The following TSPEAR variants were observed in gnomAD, a reference collection of about 807,000 sequenced individuals.
TSPEAR encodes the protein thrombospondin type laminin G domain and EAR repeats, also known as thrombospondin-type laminin G domain and EAR repeat-containing protein.
A neutral mutation model predicts 71.6 loss-of-function variants in TSPEAR; 69 were observed. That is an observed-to-expected ratio of 0.96 (90% CI 0.79 to 1.18). TSPEAR has a LOEUF of 1.18. TSPEAR is among the 50% of genes most tolerant of loss of function. TSPEAR has a pLI of 0.00. For missense variants in TSPEAR, 971 were observed against 894.9 expected (o/e 1.09, Z -1.09); for synonymous variants, 402 against 387.2 (o/e 1.04, Z -0.45).
At chr21:44,576,797 G>A (rs1034233876) in intron 1 of TSPEAR, among the ~76,000 whole-genome samples, 2 of 152,136 alleles carry the variant, frequency 1.3e-5, no homozygotes, top group Admixed American at 6.5e-5. Flanking sequence ...GCCGACTTAA[G>A]GGATATTTAT....
intron 2 of TSPEAR, among the ~76,000 whole-genome samples, chr21:44,553,841 TC>T (rs1264380078): frequency 6.6e-6 from 1 of 152,188 alleles, no homozygotes; most frequent in African/African-American, 2.4e-5. Context: ...CAGACCCCTG[TC>T]CCACTAACCA....
At chr21:44,562,802 A>C (rs2053656321) in intron 2 of TSPEAR, among the ~76,000 whole-genome samples, 1 of 152,214 alleles carries the variant, frequency 6.6e-6, no homozygotes. Context: ...AAATAAAGGC[A>C]TTCCCAGATA....
intron 2 of TSPEAR, among the ~76,000 whole-genome samples, chr21:44,542,135 AC>A (rs1375247347): frequency 6.6e-6 from 1 of 152,250 alleles, no homozygotes; most frequent in East Asian, 1.9e-4. Flanking sequence ...ATGGAATCAA[AC>A]AAAAATTCTG....
At position 44,551,228 on chromosome 21, in the gene TSPEAR, G is replaced by C. The variant is rs1175907187; in HGVS notation, c.303+16557C>G. The C allele has an allele frequency of 4.3e-6, 7 of 1,613,908 alleles. No individual in the cohort carries two copies. The African/African-American group carries it at 5.3e-5, about 12-fold the overall frequency. ...GGCAGCTAGACTGCTGGCAGCACGA[G>C]GGCGTGCAGGAGCTGGTGCAGCCTG... is the stretch of plus-strand genomic sequence containing the variant. On this transcript the variant is annotated intron_variant, in intron 2 of 11. Transcript: ENST00000323084.
chr21:44,671,605 A>G (rs1212614369), intron 1 of TSPEAR, among the ~76,000 whole-genome samples: 1 of 152,220 alleles, frequency 6.6e-6, no homozygotes, highest in African/African-American at 2.4e-5. Flanking sequence ...TTCACAGCCA[A>G]AGAAATCATA....
intron 1 of TSPEAR, chr21:44,580,640 TGAGTGAAGGAGG>T (rs1978907375): frequency 1.3e-6 from 2 of 1,521,642 alleles, no homozygotes; most frequent in Admixed American, 1.8e-5. Flanking sequence ...AGTGTGTGAG[TGAGTGAAGGAGG>T]GAGTGAGTGA....
intron 1 of TSPEAR, among the ~76,000 whole-genome samples, chr21:44,617,267 G>A (rs1393323545): frequency 1.3e-5 from 2 of 152,264 alleles, no homozygotes; most frequent in African/African-American, 2.4e-5. Flanking sequence ...CGCTCAGGGA[G>A]TTCTACTCAG....
intron 1 of TSPEAR, among the ~76,000 whole-genome samples, chr21:44,617,799 A>G (rs1982202651): frequency 6.6e-6 from 1 of 152,252 alleles, no homozygotes; most frequent in Non-Finnish European, 1.5e-5. Flanking sequence ...ATGGCACTGA[A>G]TGTCTCTCTA....
intron 1 of TSPEAR, among the ~76,000 whole-genome samples, chr21:44,685,084 C>T (rs1216983258): frequency 6.6e-6 from 1 of 152,086 alleles, no homozygotes; most frequent in Admixed American, 6.5e-5. Flanking sequence ...AGCTCTGAGA[C>T]CCCACTTGGT....
chr21:44,600,739 A>AGCT (rs1183697381), intron 1 of TSPEAR: 2 of 1,610,796 alleles, frequency 1.2e-6, no homozygotes, highest in African/African-American at 2.7e-5. Context: ...CTGCCCAGAG[A>AGCT]GCTGCTGCGA....
chr21:44,599,015 T>C (rs1345483298), intron 1 of TSPEAR, among the ~76,000 whole-genome samples: 1 of 152,206 alleles, frequency 6.6e-6, no homozygotes, highest in Non-Finnish European at 1.5e-5. Flanking sequence ...ACAGCTCTTT[T>C]AGGAGAGCTT....
chr21:44,650,176 A>T (rs1214918048), intron 1 of TSPEAR, among the ~76,000 whole-genome samples: 1 of 151,562 alleles, frequency 6.6e-6, no homozygotes, highest in African/African-American at 2.4e-5. Context: ...TGATCGCGCC[A>T]CTGCACTCCA....
rs374677471 is a variant in TSPEAR, at chr21:44,504,901, G to A, written c.1755-20C>T. 18 of 1,583,414 alleles carry A rather than the reference G, an allele frequency of 1.1e-5. No homozygotes were observed. The highest frequency in any genetic ancestry group is 1.6e-5 in the Non-Finnish European group (18 of 1,152,944). On this transcript the variant is annotated intron_variant, in intron 10 of 11. Coordinates refer to ENST00000323084, the MANE Select transcript of TSPEAR (RefSeq NM_144991.3). The stretch of plus-strand genomic sequence containing the variant: ...AGAGCACTGCAGGAACAAGTGGGTG[G>A]ATATTAGGACACAACAGACATCGCC...
At chr21:44,676,538 A>G (rs1013702780) in intron 1 of TSPEAR, 53 of 747,366 alleles carry the variant, frequency 7.1e-5, no homozygotes, top group Non-Finnish European at 1.3e-4. Context: ...TCCAGAGTAA[A>G]GTTGTGAACT....
rs1979356853 is a variant in TSPEAR, at chr21:44,586,635, C to T, written c.83-18630G>A. On this transcript the variant is annotated intron_variant, in intron 1 of 11. Coordinates refer to ENST00000323084, the MANE Select transcript of TSPEAR (RefSeq NM_144991.3). ...AGCACCACTCCCCATGTGCCCCTCC[C>T]CCAGCCTCAGGCACCTACTCATCTA... 3.3e-5 allele frequency among the ~76,000 whole-genome samples: 5 copies of T among 152,136 alleles called. No homozygotes were observed. The South Asian group carries it at 1.0e-3, about 32-fold the overall frequency.
At chr21:44,568,842 T>TG (rs1462790498) in intron 1 of TSPEAR, among the ~76,000 whole-genome samples, 4 of 152,176 alleles carry the variant, frequency 2.6e-5, no homozygotes, top group African/African-American at 7.2e-5. Flanking sequence ...GCAGTCTTGC[T>TG]GAGGGGCCTC....
At chr21:44,685,046 G>A (rs1986794645) in intron 1 of TSPEAR, among the ~76,000 whole-genome samples, 1 of 152,070 alleles carries the variant, frequency 6.6e-6, no homozygotes, top group East Asian at 1.9e-4. Flanking sequence ...ATCGGCTCTG[G>A]GTCCATAGAC....
In TSPEAR at chr21:44,658,115, G is replaced by A. The variant is rs200134575; in HGVS notation, c.82+53318C>T. ...CGTGAGCTGCACGCGCATTGTGTGC[G>A]TGGCTCCCTCCTGCCAGCCCTCCGT... On this transcript the variant is annotated intron_variant, in intron 1 of 11. Transcript: ENST00000323084. The A allele has an allele frequency of 6.5e-5, 105 of 1,613,502 alleles. No homozygotes were observed. In the African/African-American group the frequency reaches 8.8e-4, roughly 14 times the overall value.
intron 1 of TSPEAR, among the ~76,000 whole-genome samples, chr21:44,589,834 G>C (rs1390407180): frequency 2.6e-5 from 4 of 152,248 alleles, no homozygotes; most frequent in Non-Finnish European, 5.9e-5. Flanking sequence ...GAGGTGGGTG[G>C]GGCTCAGACA....
Sources: gnomAD v4.1 joint callset for allele counts (sites outside exome capture counted in the v4.1 genomes callset) on GRCh38, gnomAD v4.1.1 for gene constraint, MANE v1.5 for transcripts, NCBI Gene and HGNC (gene_info 2026-07-23, HGNC 2026-07-21) for gene names.